Variants in SORCS3 observed in about 807,000 individuals in gnomAD.
SORCS3 encodes sortilin related VPS10 domain containing receptor 3, also known as VPS10 domain-containing receptor SorCS3.
In SORCS3, 57 loss-of-function variants were observed where a neutral mutation model predicts 146.3. The observed-to-expected ratio is 0.39, with a 90% confidence interval of 0.31 to 0.49. The LOEUF is 0.49. Ranked by LOEUF, SORCS3 falls within the 20% of genes least tolerant of loss-of-function variation. The pLI, the probability that SORCS3 is intolerant of heterozygous loss-of-function variation, is 0.92. For synonymous variants in SORCS3, 653 were observed against 618.5 expected (o/e 1.06, Z -0.83); for missense variants, 1,341 against 1,575.5 (o/e 0.85, Z 2.52).
chr10:104,805,811 A>G (rs998831942), intron 1 of SORCS3, among the ~76,000 whole-genome samples: 6 of 151,914 alleles, frequency 3.9e-5, no homozygotes, highest in Non-Finnish European at 8.8e-5. Flanking sequence ...TCCTCTCTTC[A>G]TACCTCACAC....
intron 4 of SORCS3, among the ~76,000 whole-genome samples, chr10:104,999,239 A>G (rs527522152): frequency 5.3e-5 from 8 of 152,092 alleles, no homozygotes; most frequent in African/African-American, 1.9e-4. Context: ...TTTATCCTCT[A>G]CTTTTTCTTA....
chr10:104,858,235 G>A (rs1228863447), intron 2 of SORCS3, among the ~76,000 whole-genome samples: 1 of 152,032 alleles, frequency 6.6e-6, no homozygotes, highest in Non-Finnish European at 1.5e-5. Flanking sequence ...CAAAATCATT[G>A]TTATGTTTTG....
At position 104,977,375 on chromosome 10, in the gene SORCS3, T is replaced by C. The variant is rs1470566438; in HGVS notation, c.836T>C (p.Leu279Ser). 5 of 1,613,596 alleles carry C rather than the reference T, an allele frequency of 3.1e-6. No individual in the cohort carries two copies. Among genetic ancestry groups the C allele is most frequent in the Non-Finnish European group, 4.2e-6 (5 of 1,179,818 alleles). Reference sequence around the variant, plus strand: ...GATCCTGAGATGGAGAGCAGCATATTGATCAGCTCAGACGAAGGGGCGACC... The same window carrying C: ...GATCCTGAGATGGAGAGCAGCATATCGATCAGCTCAGACGAAGGGGCGACC... ...LSDPEMESSI[L>S]ISSDEGATYQ... is the part of the protein sequence containing the mutation. Residue 279 changes from leucine (L) to serine (S), a missense_variant, in exon 4 of 27, where the codon TTG becomes TCG. Leu to Ser is a moderately radical substitution (Grantham distance 145). Coordinates refer to ENST00000369701, the MANE Select transcript of SORCS3 (RefSeq NM_014978.3).
intron 8 of SORCS3, among the ~76,000 whole-genome samples, chr10:105,140,499 G>A (rs2056087639): frequency 6.6e-6 from 1 of 152,142 alleles, no homozygotes; most frequent in African/African-American, 2.4e-5. Flanking sequence ...AGCAACGATA[G>A]GTATGAGAGT....
At chr10:104,965,060 C>T (rs982539677) in intron 3 of SORCS3, among the ~76,000 whole-genome samples, 6 of 152,182 alleles carry the variant, frequency 3.9e-5, no homozygotes, top group Non-Finnish European at 5.9e-5. Context: ...CTTCCTAAGG[C>T]GGAATAATAT....
intron 13 of SORCS3, among the ~76,000 whole-genome samples, chr10:105,167,583 G>C (rs1480104029): frequency 1.3e-5 from 2 of 152,138 alleles, no homozygotes; most frequent in Non-Finnish European, 1.5e-5. Context: ...TGAGTGGTCA[G>C]ATAAGGCAGA....
At chr10:105,194,192 G>T (rs780308098) in intron 14 of SORCS3, among the ~76,000 whole-genome samples, 20 of 151,954 alleles carry the variant, frequency 1.3e-4, no homozygotes, top group Non-Finnish European at 2.9e-4. Context: ...TTTCTCCAAG[G>T]CTCACTAGGA....
At chr10:105,073,308 A>G (rs2055569342) in intron 5 of SORCS3, among the ~76,000 whole-genome samples, 1 of 152,042 alleles carries the variant, frequency 6.6e-6, no homozygotes, top group Non-Finnish European at 1.5e-5. Context: ...TTGGATACCT[A>G]TGTTCACTTA....
chr10:105,103,838 T>C (rs2055803285), intron 6 of SORCS3, among the ~76,000 whole-genome samples: 1 of 152,244 alleles, frequency 6.6e-6, no homozygotes. Context: ...ATTTCTTTCT[T>C]AAAGTAGCAT....
At chr10:105,095,119 C>T (rs1564752467) in intron 6 of SORCS3, among the ~76,000 whole-genome samples, 1 of 152,136 alleles carries the variant, frequency 6.6e-6, no homozygotes, top group Non-Finnish European at 1.5e-5. Context: ...CTTTTATCTG[C>T]TTGTTTCACA....
chr10:104,915,587 C>T (rs896433113), intron 2 of SORCS3, among the ~76,000 whole-genome samples: 1 of 152,150 alleles, frequency 6.6e-6, no homozygotes, highest in African/African-American at 2.4e-5. Flanking sequence ...CACCAAACAA[C>T]TTCACAAAGG....
intron 20 of SORCS3, among the ~76,000 whole-genome samples, chr10:105,242,915 AAT>A (rs1453560760): frequency 1.0e-4 from 6 of 59,670 alleles, no homozygotes; most frequent in Admixed American, 3.6e-4. Flanking sequence ...TTATATATAT[AAT>A]ATATATGATA....
intron 3 of SORCS3, among the ~76,000 whole-genome samples, chr10:104,958,569 A>C (rs1380620216): frequency 6.6e-6 from 1 of 152,106 alleles, no homozygotes; most frequent in Non-Finnish European, 1.5e-5. Context: ...TGGTATGACA[A>C]AGGCTGGACT....
At chr10:105,009,042 A>T (rs1434111735) in intron 4 of SORCS3, among the ~76,000 whole-genome samples, 1 of 152,196 alleles carries the variant, frequency 6.6e-6, no homozygotes, top group Non-Finnish European at 1.5e-5. Context: ...AGATTCTCAG[A>T]TCTAACGCGT....
chr10:105,245,777 T>A, intron 21 of SORCS3, 112 bp downstream of exon 21: 1 of 1,335,226 alleles, frequency 7.5e-7, no homozygotes, highest in East Asian at 2.6e-5. Flanking sequence ...CTGGGAAAAT[T>A]ACATAGGTCA....
At chr10:104,986,604 G>T (rs561298970) in intron 4 of SORCS3, among the ~76,000 whole-genome samples, 21 of 152,100 alleles carry the variant, frequency 1.4e-4, no homozygotes, top group Admixed American at 6.6e-4. Context: ...CCTAGCTTTT[G>T]ATTTAAAGTG....
chr10:104,754,992 AT>A (rs1210079383), intron 1 of SORCS3, among the ~76,000 whole-genome samples: 1 of 152,228 alleles, frequency 6.6e-6, no homozygotes, highest in Non-Finnish European at 1.5e-5. Context: ...AAGAAATTAA[AT>A]TAGAAAAGGT....
At chr10:105,168,672 A>G (rs2056335000) in intron 13 of SORCS3, among the ~76,000 whole-genome samples, 1 of 152,146 alleles carries the variant, frequency 6.6e-6, no homozygotes, top group Non-Finnish European at 1.5e-5. Flanking sequence ...GCCAAATCCA[A>G]GCTTCAGTCC....
intron 3 of SORCS3, among the ~76,000 whole-genome samples, chr10:104,918,086 A>G (rs929125434): frequency 2.0e-5 from 3 of 152,194 alleles, no homozygotes; most frequent in Non-Finnish European, 4.4e-5. Flanking sequence ...ACTAATTTAC[A>G]TTCCCACCAA....
Sources: allele counts gnomAD v4.1 joint callset (sites outside exome capture counted in the v4.1 genomes callset), GRCh38; gene constraint gnomAD v4.1.1; transcripts MANE v1.5; gene names NCBI Gene and HGNC (gene_info 2026-07-23, HGNC 2026-07-21).